ANKFN1: variants seen among roughly 807,000 people sequenced by gnomAD.
ANKFN1 encodes the protein ankyrin repeat and fibronectin type-III domain-containing protein 1.
Under a neutral mutation model 108.7 loss-of-function variants are expected in ANKFN1, and 74 were observed. That is an observed-to-expected ratio of 0.68 (90% CI 0.56 to 0.83). The LOEUF (loss-of-function observed/expected upper bound fraction) is 0.83, where lower values mean the gene tolerates loss of function less well. Ranked by LOEUF, ANKFN1 falls within the 40% of genes least tolerant of loss-of-function variation. The probability of loss-of-function intolerance (pLI) is 0.00; values close to 1 mark genes in which losing one functional copy is unlikely to be tolerated. For missense variants in ANKFN1, 1,505 were observed against 1,382.3 expected, an observed-to-expected ratio of 1.09 and a Z score of -1.41; for synonymous variants, 547 against 516.2, an observed-to-expected ratio of 1.06 and a Z score of -0.81.
In ANKFN1 at chr17:56,440,335, A is replaced by T. The variant is rs1251227825; in HGVS notation, c.919A>T (p.Ser307Cys). Reference protein sequence around the residue: ...AVVTRYKVEWSMSEDFSPLAG... With the variant: ...AVVTRYKVEWCMSEDFSPLAG... ...CCCCCTACTCCCTCCAGTGGAATGG[A>T]GTATGTCCGAAGACTTTTCTCCTTT... Residue 307 changes from serine (S) to cysteine (C), a missense_variant, in exon 9 of 21, where the codon AGT becomes TGT. Ser to Cys is a moderately radical substitution (Grantham distance 112). Transcript: ENST00000682825. 2 of 1,609,824 alleles carry T rather than the reference A, an allele frequency of 1.2e-6. No individual in the cohort carries two copies. Among genetic ancestry groups the T allele is most frequent in the Non-Finnish European group, 8.5e-7 (1 of 1,176,962 alleles).
In ANKFN1 at chr17:56,437,973, G is replaced by GGGGTGTGT. The variant is rs1555653063; in HGVS notation, c.911-2353_911-2352insGGTGTGTG. On this transcript the variant is annotated intron_variant, in intron 8 of 20. Coordinates refer to ENST00000682825, the MANE Select transcript of ANKFN1 (RefSeq NM_001370326.1). ...GTGTTGGAAAAACTAATCTACTGTAGGTGTGTGTGTGTGTGTGTGTGTGTG... is the reference window on the plus strand; with the variant it reads ...GTGTTGGAAAAACTAATCTACTGTAGGGGTGTGTGTGTGTGTGTGTGTGTGTGTGTGTG... Among the ~76,000 whole-genome samples the GGGGTGTGT allele has an allele frequency of 5.4e-4, 77 of 142,268 alleles. 1 individual carries two copies. Among genetic ancestry groups the GGGGTGTGT allele is most frequent in the African/African-American group, 1.6e-3 (59 of 37,644 alleles). The allele number at this position is 142,268 out of a possible 152,430, so 93.3% of individuals were successfully genotyped here.
chr17:56,145,178 G>C (rs986472159), intron 4 of ANKFN1, among the ~76,000 whole-genome samples: 2 of 152,202 alleles, frequency 1.3e-5, no homozygotes, highest in Non-Finnish European at 2.9e-5. Flanking sequence ...TGTGCACTGA[G>C]CAGGCAATGG....
intron 3 of ANKFN1, among the ~76,000 whole-genome samples, chr17:56,289,173 G>A (rs895846055): frequency 2.6e-4 from 39 of 152,166 alleles, no homozygotes; most frequent in African/African-American, 8.2e-4. Flanking sequence ...TCTGATATTT[G>A]CCATTAATGA....
At chr17:56,348,414 G>T (rs998448786) in intron 4 of ANKFN1, among the ~76,000 whole-genome samples, 1 of 151,778 alleles carries the variant, frequency 6.6e-6, no homozygotes, top group Non-Finnish European at 1.5e-5. Flanking sequence ...GAAGAAAGTT[G>T]CAGACAAAAC....
chr17:56,142,897 T>A (rs1908011150), intron 4 of ANKFN1, among the ~76,000 whole-genome samples: 1 of 152,178 alleles, frequency 6.6e-6, no homozygotes, highest in Admixed American at 6.5e-5. Context: ...TTCACACAAA[T>A]ACTCTATGAT....
chr17:56,293,841 C>T (rs2044435202), intron 3 of ANKFN1, among the ~76,000 whole-genome samples: 1 of 152,152 alleles, frequency 6.6e-6, no homozygotes, highest in Admixed American at 6.5e-5. Context: ...GAGCTGGGCC[C>T]TAATTATCTC....
chr17:56,195,414 T>C (rs1913418917), intron 1 of ANKFN1: 1 of 152,008 alleles, frequency 6.6e-6, no homozygotes, highest in African/African-American at 2.4e-5. Flanking sequence ...ATGGGACGAG[T>C]GCGTTATAGA....
chr17:56,048,066 T>C (rs1904710873), intron 4 of ANKFN1, among the ~76,000 whole-genome samples: 1 of 152,200 alleles, frequency 6.6e-6, no homozygotes, highest in Non-Finnish European at 1.5e-5. Flanking sequence ...CGGTTGTAAC[T>C]GTGGTTTAGA....
At chr17:56,344,725 A>C (rs553413895) in intron 4 of ANKFN1, among the ~76,000 whole-genome samples, 1 of 152,146 alleles carries the variant, frequency 6.6e-6, no homozygotes, top group Admixed American at 6.6e-5. Context: ...GTCAGAGCGA[A>C]TGAAGATAAG....
intron 14 of ANKFN1, among the ~76,000 whole-genome samples, chr17:56,460,648 C>T (rs2049871471): frequency 6.9e-6 from 1 of 145,962 alleles, no homozygotes. Context: ...ACCGAACCTT[C>T]TTTTTTTTTT....
Position 56,439,742 on chromosome 17 carries a change from G to A in ANKFN1, c.911-585G>A, listed in dbSNP as rs139048305. Among the ~76,000 whole-genome samples, 1,341 of 152,314 alleles carry A rather than the reference G, an allele frequency of 8.8e-3. 5 individuals carry two copies. The highest frequency in any genetic ancestry group is 0.015 in the Non-Finnish European group (1,003 of 68,020). ...ATGAAAGGAGGCTTCTTTATTTGGA[G>A]TGAAAATCTCACTCAGACCTTAAGA... On this transcript the variant is annotated intron_variant, in intron 8 of 20. Transcript: ENST00000682825.
chr17:56,104,414 G>A (rs761226451), intron 4 of ANKFN1, among the ~76,000 whole-genome samples: 9 of 152,202 alleles, frequency 5.9e-5, no homozygotes, highest in Non-Finnish European at 1.2e-4. Flanking sequence ...CCCAGAGAGG[G>A]GAGCTGGCTT....
At chr17:56,159,498 C>T (rs1359015693) in intron 1 of ANKFN1, among the ~76,000 whole-genome samples, 1 of 152,202 alleles carries the variant, frequency 6.6e-6, no homozygotes, top group African/African-American at 2.4e-5. Context: ...ATAGCATTAT[C>T]TTTGTCCAAC....
intron 3 of ANKFN1, among the ~76,000 whole-genome samples, chr17:56,305,465 A>G (rs1402261464): frequency 2.6e-5 from 4 of 152,036 alleles, no homozygotes; most frequent in Non-Finnish European, 5.9e-5. Flanking sequence ...ATATCTCTTC[A>G]TGTCTTTTGC....
At chr17:56,387,345 T>A (rs1255227501) in intron 8 of ANKFN1, among the ~76,000 whole-genome samples, 1 of 152,208 alleles carries the variant, frequency 6.6e-6, no homozygotes, top group Admixed American at 6.5e-5. Context: ...GTTTAAAATG[T>A]GGTGTTGTAA....
chr17:56,153,674 C>T, intron 1 of ANKFN1, 144 bp downstream of exon 1: 1 of 1,138,250 alleles, frequency 8.8e-7, no homozygotes, highest in Non-Finnish European at 1.3e-6. Context: ...AGAGGGAAAG[C>T]TGGTTTCATT....
intron 3 of ANKFN1, among the ~76,000 whole-genome samples, chr17:56,240,785 T>C (rs373783059): frequency 6.6e-6 from 1 of 152,120 alleles, no homozygotes; most frequent in African/African-American, 2.4e-5. Flanking sequence ...CTAGTGAAAT[T>C]GAGCATCTTT....
intron 4 of ANKFN1, among the ~76,000 whole-genome samples, chr17:56,058,997 G>A (rs1904927127): frequency 6.6e-6 from 1 of 152,182 alleles, no homozygotes; most frequent in African/African-American, 2.4e-5. Flanking sequence ...CTAGATCCTT[G>A]AGGAGTCACC....
chr17:56,090,777 T>A (rs890361249), intron 4 of ANKFN1, among the ~76,000 whole-genome samples: 6 of 150,884 alleles, frequency 4.0e-5, no homozygotes, highest in Non-Finnish European at 7.4e-5. Flanking sequence ...TGGCTAATTT[T>A]AAAAAAATTT....
Sources: allele counts gnomAD v4.1 joint callset (sites outside exome capture counted in the v4.1 genomes callset), GRCh38; gene constraint gnomAD v4.1.1; transcripts MANE v1.5; gene names NCBI Gene and HGNC (gene_info 2026-07-23, HGNC 2026-07-21).